Variants in PTPRT observed in about 807,000 individuals in gnomAD.
The protein encoded by PTPRT is receptor-type tyrosine-protein phosphatase T.
In PTPRT, 56 loss-of-function variants were observed where a neutral mutation model predicts 176.8. The observed-to-expected ratio is 0.32, with a 90% CI of 0.26 to 0.40. The LOEUF is 0.40. Among genes scored for constraint, PTPRT ranks in the 10% least tolerant of loss-of-function variants. The pLI is 1.00. For synonymous variants in PTPRT, 783 were observed against 739.0 expected, an observed-to-expected ratio of 1.06 and a Z score of -0.96; for missense variants, 1,540 against 1,908.2, an observed-to-expected ratio of 0.81 and a Z score of 3.60.
At chr20:42,316,220 A>G (rs2057719945) in intron 11 of PTPRT, among the ~76,000 whole-genome samples, 1 of 152,070 alleles carries the variant, frequency 6.6e-6, no homozygotes, top group Admixed American at 6.5e-5. Context: ...CTAAAACTCA[A>G]CTTAGCCCCA....
chr20:42,666,678 T>A (rs2075322409), intron 7 of PTPRT, among the ~76,000 whole-genome samples: 1 of 152,220 alleles, frequency 6.6e-6, no homozygotes, highest in Admixed American at 6.5e-5. Flanking sequence ...TTTGTTCAGG[T>A]CTTGTTTTCT....
chr20:42,898,015 CTG>C (rs1276356095), intron 1 of PTPRT, among the ~76,000 whole-genome samples: 1 of 152,188 alleles, frequency 6.6e-6, no homozygotes, highest in African/African-American at 2.4e-5. Flanking sequence ...TTTAAAGAAA[CTG>C]TATCTGAGTC....
At chr20:42,740,107 G>A (rs1416267389) in intron 6 of PTPRT, among the ~76,000 whole-genome samples, 1 of 152,200 alleles carries the variant, frequency 6.6e-6, no homozygotes, top group Non-Finnish European at 1.5e-5. Context: ...CTGGCCTTCA[G>A]ACATGGGGAG....
intron 2 of PTPRT, among the ~76,000 whole-genome samples, chr20:42,860,917 A>T (rs576483895): frequency 3.9e-5 from 6 of 152,332 alleles, no homozygotes; most frequent in South Asian, 2.1e-4. Context: ...TTAGGATATC[A>T]GTTGTTAGTT....
chr20:42,127,455 G>A (rs1244134040), intron 19 of PTPRT, among the ~76,000 whole-genome samples: 4 of 152,020 alleles, frequency 2.6e-5, no homozygotes, highest in African/African-American at 9.7e-5. Flanking sequence ...GGCAGAACAG[G>A]GAAGGACACA....
At chr20:42,802,365 G>A (rs542278249) in intron 2 of PTPRT, among the ~76,000 whole-genome samples, 46 of 152,314 alleles carry the variant, frequency 3.0e-4, no homozygotes, top group African/African-American at 1.1e-3. Flanking sequence ...ACCTCTCTCA[G>A]GGGCAGGAGG....
At chr20:42,841,610 TACACACACAC>T (rs3973897) in intron 2 of PTPRT, among the ~76,000 whole-genome samples, 6,030 of 140,966 alleles carry the variant, frequency 0.043, 134 homozygotes, top group South Asian at 0.053. Flanking sequence ...TAGTGTTAAA[TACACACACAC>T]ACACACACAC....
At chr20:43,083,349 T>TATATATATATATATAC (rs2011508877) in intron 1 of PTPRT, among the ~76,000 whole-genome samples, 1 of 117,402 alleles carries the variant, frequency 8.5e-6, no homozygotes, top group African/African-American at 3.5e-5. Flanking sequence ...TATATATATA[T>TATATATATATATATAC]ATATATATAT....
At chr20:43,091,471 TTCTCTCTCTCTCTCTCTCTATTTC>T (rs2011855891) in intron 1 of PTPRT, among the ~76,000 whole-genome samples, 1 of 107,728 alleles carries the variant, frequency 9.3e-6, no homozygotes, top group Non-Finnish European at 2.0e-5. Context: ...CCCCCTCTCT[TTCTCTCTCTCTCTCTCTCTATTTC>T]TCTCTCTCTC....
intron 1 of PTPRT, among the ~76,000 whole-genome samples, chr20:43,069,158 C>T (rs1323892828): frequency 6.6e-6 from 1 of 152,210 alleles, no homozygotes; most frequent in Non-Finnish European, 1.5e-5. Context: ...TTGATCCCAG[C>T]CATGGCCCTA....
At chr20:42,758,473 TA>T (rs1365458624) in intron 5 of PTPRT, among the ~76,000 whole-genome samples, 1 of 152,148 alleles carries the variant, frequency 6.6e-6, no homozygotes, top group Non-Finnish European at 1.5e-5. Flanking sequence ...AAAGGGCAGC[TA>T]AGAGAGACTT....
chr20:42,919,491 G>C (rs1979005379), intron 1 of PTPRT, among the ~76,000 whole-genome samples: 1 of 152,198 alleles, frequency 6.6e-6, no homozygotes, highest in Non-Finnish European at 1.5e-5. Flanking sequence ...AACGCTAAGA[G>C]CAGGTGGCCA....
chr20:42,220,282 A>G (rs1377659448), intron 15 of PTPRT, among the ~76,000 whole-genome samples: 1 of 152,218 alleles, frequency 6.6e-6, no homozygotes, highest in Non-Finnish European at 1.5e-5. Flanking sequence ...AAGCTGGAAG[A>G]CTCAGTATTG....
Position 42,632,781 on chromosome 20 carries a change from T to C in PTPRT, c.1153+45085A>G, listed in dbSNP as rs531033014. Reference sequence around the variant, plus strand: ...TGAGTTCTGTGAGTCCTTTTATAAATCATCAAGCCTAAGGATGGTCTCAGG... The same window carrying C: ...TGAGTTCTGTGAGTCCTTTTATAAACCATCAAGCCTAAGGATGGTCTCAGG... On this transcript the variant is annotated intron_variant, in intron 7 of 30. Coordinates refer to ENST00000373187, the MANE Select transcript of PTPRT (RefSeq NM_007050.6). Among the ~76,000 whole-genome samples the C allele has an allele frequency of 1.6e-4, 24 of 151,976 alleles. No individual in the cohort carries two copies. The East Asian group carries it at 4.4e-3, about 28-fold the overall frequency.
chr20:42,184,535 C>CTTCTTCTTCTTCTTCTTCTTCT lies in PTPRT; in HGVS notation c.2491+14704_2491+14705insAGAAGAAGAAGAAGAAGAAGAA, dbSNP rs1568652084. 8.2e-4 allele frequency among the ~76,000 whole-genome samples: 30 copies of CTTCTTCTTCTTCTTCTTCTTCT among 36,614 alleles called. 2 individuals carry two copies. Among genetic ancestry groups the CTTCTTCTTCTTCTTCTTCTTCT allele is most frequent in the East Asian group, 2.2e-3 (1 of 458 alleles). The allele number at this position is 36,614 out of a possible 152,430, so 24.0% of individuals were successfully genotyped here. ...CTCCTCCTCCTTCTTCTTCTTCTTC[C>CTTCTTCTTCTTCTTCTTCTTCT]TCTTCCTCTTCTTCTTCTTCTTCTT... On this transcript the variant is annotated intron_variant, in intron 16 of 30. Coordinates refer to ENST00000373187, the MANE Select transcript of PTPRT (RefSeq NM_007050.6).
At chr20:42,783,992 T>A (rs1201136635) in intron 3 of PTPRT, among the ~76,000 whole-genome samples, 1 of 152,152 alleles carries the variant, frequency 6.6e-6, no homozygotes, top group East Asian at 1.9e-4. Context: ...TTCCAACGTC[T>A]CTGTAGATGC....
chr20:42,674,867 A>T (rs1393734153), intron 7 of PTPRT, among the ~76,000 whole-genome samples: 1 of 146,684 alleles, frequency 6.8e-6, no homozygotes, highest in Non-Finnish European at 1.5e-5. Context: ...GGTTACAGCT[A>T]ATTCCACTAC....
At chr20:42,591,479 T>C (rs2073573695) in intron 7 of PTPRT, among the ~76,000 whole-genome samples, 1 of 152,260 alleles carries the variant, frequency 6.6e-6, no homozygotes, top group South Asian at 2.1e-4. Context: ...AAGATGGAAG[T>C]TCTGGTTTAA....
intron 7 of PTPRT, among the ~76,000 whole-genome samples, chr20:42,601,970 A>G (rs777417593): frequency 1.3e-5 from 2 of 152,212 alleles, no homozygotes; most frequent in Non-Finnish European, 2.9e-5. Context: ...AACAAGCAAC[A>G]AAAACTGAAC....
Sources: allele counts gnomAD v4.1 joint callset (sites outside exome capture counted in the v4.1 genomes callset), GRCh38; gene constraint gnomAD v4.1.1; transcripts MANE v1.5; gene names NCBI Gene and HGNC (gene_info 2026-07-23, HGNC 2026-07-21).